The following MYOM1 variants were observed in gnomAD, a reference collection of about 807,000 sequenced individuals.
MYOM1 encodes the protein myomesin-1.
MYOM1 carries 164 observed loss-of-function variants against 205.3 expected under a neutral mutation model. The ratio of observed to expected loss-of-function variants is 0.80; its 90% CI spans 0.70 to 0.91. The LOEUF (loss-of-function observed/expected upper bound fraction) is 0.91. MYOM1 is among the 40% of genes least tolerant of loss of function. The pLI is 0.00. For missense variants in MYOM1, 2,011 were observed against 2,127.3 expected (o/e 0.95, Z 1.08); for synonymous variants, 772 against 789.4 (o/e 0.98, Z 0.37).
At chr18:3,149,711 G>T (rs2080189950) in intron 12 of MYOM1, among the ~76,000 whole-genome samples, 1 of 152,160 alleles carries the variant, frequency 6.6e-6, no homozygotes, top group South Asian at 2.1e-4. Context: ...AAGGAAATCA[G>T]TTGAGATCCT....
intron 37 of MYOM1, among the ~76,000 whole-genome samples, chr18:3,069,275 GGTTTTAAT>G (rs2078934370): frequency 6.6e-6 from 1 of 152,066 alleles, no homozygotes; most frequent in South Asian, 2.1e-4. Context: ...ATTTCATTGT[GGTTTTAAT>G]GTTCACTTGC....
intron 13 of MYOM1, among the ~76,000 whole-genome samples, chr18:3,146,540 A>C (rs1303889220): frequency 2.6e-5 from 4 of 152,164 alleles, no homozygotes; most frequent in Non-Finnish European, 5.9e-5. Flanking sequence ...CAATAGATAC[A>C]GGAAAAGCAT....
intron 1 of MYOM1, among the ~76,000 whole-genome samples, chr18:3,215,723 T>A (rs1333408423): frequency 2.6e-5 from 4 of 152,150 alleles, no homozygotes; most frequent in African/African-American, 9.7e-5. Context: ...GATATGCCCC[T>A]CCTGTCATTG....
intron 11 of MYOM1, among the ~76,000 whole-genome samples, chr18:3,154,393 C>T (rs984581783): frequency 2.6e-5 from 4 of 151,914 alleles, no homozygotes; most frequent in South Asian, 2.1e-4. Context: ...GCTATGAATT[C>T]GTAGACCTAA....
chr18:3,147,434 CG>C (rs749575837), intron 13 of MYOM1, among the ~76,000 whole-genome samples: 14 of 152,012 alleles, frequency 9.2e-5, no homozygotes, highest in Admixed American at 2.0e-4. Flanking sequence ...CAATGCTGTT[CG>C]GCTGAAATCC....
intron 29 of MYOM1, among the ~76,000 whole-genome samples, chr18:3,086,356 C>T (rs1016049691): frequency 6.6e-6 from 1 of 151,870 alleles, no homozygotes; most frequent in African/African-American, 2.4e-5. Context: ...AAACCTAAAT[C>T]AATAGCATCT....
the MYOM1 span, among the ~76,000 whole-genome samples, chr18:3,237,981 G>A: frequency 6.6e-6 from 1 of 152,212 alleles, no homozygotes; most frequent in African/African-American, 2.4e-5. Flanking sequence ...GACTGGGGCA[G>A]GGGTGGCGGT....
Position 3,135,415 on chromosome 18 carries a change from A to T in MYOM1, c.2209+132T>A. The T allele has an allele frequency of 1.3e-6, 1 of 767,404 alleles. No homozygotes were observed. The highest frequency in any genetic ancestry group is 2.0e-6 in the Non-Finnish European group (1 of 489,930). The allele number at this position is 767,404 out of a possible 1,614,324, so 47.5% of individuals were successfully genotyped here. On this transcript the variant is annotated intron_variant, in intron 15 of 37. Transcript: ENST00000356443. The surrounding 1 kb of genome is among the most constrained non-coding windows in gnomAD (Gnocchi z 4.1). ...TGAATTTTTGTTTAATGTATAGGTTAAGTACAGCCATCGAGTAAATTTATA... is the reference window on the plus strand; with the variant it reads ...TGAATTTTTGTTTAATGTATAGGTTTAGTACAGCCATCGAGTAAATTTATA...
chr18:3,204,548 C>T (rs985317828), intron 2 of MYOM1, among the ~76,000 whole-genome samples: 1 of 151,670 alleles, frequency 6.6e-6, no homozygotes, highest in Non-Finnish European at 1.5e-5. Flanking sequence ...TTGACAATTA[C>T]AAAACATTAT....
chr18:3,204,987 T>C (rs1026791763), intron 2 of MYOM1, among the ~76,000 whole-genome samples: 6 of 152,062 alleles, frequency 3.9e-5, no homozygotes, highest in African/African-American at 1.4e-4. Flanking sequence ...TAACAAATGG[T>C]GCTGGGGCAA....
At chr18:3,154,218 T>C (rs1289083130) in intron 11 of MYOM1, among the ~76,000 whole-genome samples, 1 of 152,070 alleles carries the variant, frequency 6.6e-6, no homozygotes, top group African/African-American at 2.4e-5. Flanking sequence ...TACAAATTCA[T>C]AGCATTCTTG....
At chr18:3,195,183 T>C (rs1302825194) in intron 2 of MYOM1, among the ~76,000 whole-genome samples, 2 of 152,202 alleles carry the variant, frequency 1.3e-5, no homozygotes, top group Non-Finnish European at 2.9e-5. Context: ...AGCACAGGAC[T>C]TTGACATGCA....
At chr18:3,127,306 T>TATATATATATATATATATA (rs1555620546) in intron 18 of MYOM1, among the ~76,000 whole-genome samples, 16 of 36,374 alleles carry the variant, frequency 4.4e-4, no homozygotes, top group East Asian at 9.3e-4. Flanking sequence ...TATATATATA[T>TATATATATATATATATATA]TTTTTTTTTT....
chr18:3,072,300 C>T (rs1437811252), intron 36 of MYOM1, among the ~76,000 whole-genome samples: 1 of 144,946 alleles, frequency 6.9e-6, no homozygotes, highest in African/African-American at 2.6e-5. Flanking sequence ...CCATCCACTT[C>T]AGCCTCTGAA....
intron 26 of MYOM1, among the ~76,000 whole-genome samples, chr18:3,092,915 C>T (rs1033760968): frequency 1.3e-5 from 2 of 152,154 alleles, no homozygotes; most frequent in African/African-American, 4.8e-5. Flanking sequence ...AAGGGGAGTA[C>T]GTCTATATGC....
Position 3,112,784 on chromosome 18 carries a change from T to C in MYOM1, c.3304-372A>G, listed in dbSNP as rs368830803. Reference sequence around the variant, plus strand: ...AAAATACAAAGTGCTCATTATAGCATATATGTCGCTTTTCCCCCCAATCCT... The same window carrying C: ...AAAATACAAAGTGCTCATTATAGCACATATGTCGCTTTTCCCCCCAATCCT... On this transcript the variant is annotated intron_variant, in intron 21 of 37. Coordinates refer to ENST00000356443, the MANE Select transcript of MYOM1 (RefSeq NM_003803.4). 5.9e-5 allele frequency among the ~76,000 whole-genome samples: 9 copies of C among 152,344 alleles called. No homozygotes were observed. The East Asian group carries it at 1.7e-3, about 29-fold the overall frequency.
intron 22 of MYOM1, among the ~76,000 whole-genome samples, chr18:3,105,910 G>A (rs2079445960): frequency 6.6e-6 from 1 of 152,164 alleles, no homozygotes; most frequent in Admixed American, 6.5e-5. Context: ...CAGTTACTGA[G>A]CAAAGAATAT....
At chr18:3,151,959 C>A in intron 11 of MYOM1, 66 bp from the exon 12 acceptor site, 1 of 1,484,520 alleles carries the variant, frequency 6.7e-7, no homozygotes, top group Non-Finnish European at 9.2e-7. Flanking sequence ...ATCTCCAGAG[C>A]TGCAGAATCA....
chr18:3,181,218 G>A (rs192485354), intron 5 of MYOM1, among the ~76,000 whole-genome samples: 3 of 152,212 alleles, frequency 2.0e-5, no homozygotes, highest in East Asian at 1.9e-4. Context: ...GAACCACCAC[G>A]CCCGGCCAAA....
Sources: allele counts gnomAD v4.1 joint callset (sites outside exome capture counted in the v4.1 genomes callset), GRCh38; gene constraint gnomAD v4.1.1; non-coding constraint Gnocchi (gnomAD v3.1); transcripts MANE v1.5; gene names NCBI Gene and HGNC (gene_info 2026-07-23, HGNC 2026-07-21).